PTPRJ: variants seen among roughly 807,000 people sequenced by gnomAD.
PTPRJ encodes receptor-type tyrosine-protein phosphatase eta.
PTPRJ carries 129 observed loss-of-function variants against 141.3 expected under a neutral mutation model. The ratio of observed to expected loss-of-function variants is 0.91; its 90% CI spans 0.79 to 1.06. The LOEUF is 1.06. PTPRJ is among the 50% of genes least tolerant of loss of function. PTPRJ has a pLI of 0.00. For missense variants in PTPRJ, 1,601 were observed against 1,679.7 expected, an observed-to-expected ratio of 0.95 and a Z score of 0.82; for synonymous variants, 610 against 640.5, an observed-to-expected ratio of 0.95 and a Z score of 0.72.
intron 1 of PTPRJ, among the ~76,000 whole-genome samples, chr11:48,072,139 A>T (rs571725431): frequency 6.6e-6 from 1 of 152,070 alleles, no homozygotes; most frequent in African/African-American, 2.4e-5. Flanking sequence ...TCCTGACCTC[A>T]GGTGATCCAC....
At chr11:48,023,721 G>T (rs1334271302) in intron 1 of PTPRJ, among the ~76,000 whole-genome samples, 1 of 151,824 alleles carries the variant, frequency 6.6e-6, no homozygotes, top group African/African-American at 2.4e-5. Flanking sequence ...GGCAAAGATT[G>T]CAGTGAGCCG....
In PTPRJ at chr11:47,994,141, G is replaced by C. The variant is rs552441432; in HGVS notation, c.96+13133G>C. Among the ~76,000 whole-genome samples, 341 of 150,798 alleles carry C rather than the reference G, an allele frequency of 2.3e-3. 2 individuals are homozygous for C. Among genetic ancestry groups the C allele is most frequent in the African/African-American group, 7.9e-3 (324 of 41,034 alleles). On this transcript the variant is annotated intron_variant, in intron 1 of 24. Transcript: ENST00000418331. ...CTCCCAAAGTGCTGGGATTACAGTT[G>C]TGAGCCACTGTGCCTGGCCTTTTTT...
In PTPRJ at chr11:48,144,997, C is replaced by T. The variant is rs1590555148; in HGVS notation, c.2787-3C>T. On this transcript the variant is annotated splice_region_variant and splice_polypyrimidine_tract_variant and intron_variant, in intron 13 of 24. Coordinates refer to ENST00000418331, the MANE Select transcript of PTPRJ (RefSeq NM_002843.4). Reference sequence around the variant, plus strand: ...CCTCTTTTTGCTCTTTGTTATCCCACAGGGCTTGTGTGGCTGGCTTCACCA... The same window carrying T: ...CCTCTTTTTGCTCTTTGTTATCCCATAGGGCTTGTGTGGCTGGCTTCACCA... 2 of 1,614,186 alleles carry T rather than the reference C, an allele frequency of 1.2e-6. No individual in the cohort carries two copies. Among genetic ancestry groups the T allele is most frequent in the East Asian group, 2.2e-5 (1 of 44,890 alleles).
chr11:48,169,764 A>G lies in PTPRJ; in HGVS notation c.*2402A>G, dbSNP rs572534488. On this transcript the variant is annotated 3_prime_UTR_variant, in exon 25 of 25. Coordinates refer to ENST00000418331, the MANE Select transcript of PTPRJ (RefSeq NM_002843.4). The stretch of plus-strand genomic sequence containing the variant: ...CTGTAAACATATTGTATAAAAATGA[A>G]AAACACAGGAACCCTCTTCCCTTCC... 1.3e-4 allele frequency: 20 copies of G among 152,318 alleles called. No individual in the cohort carries two copies. The highest frequency in any genetic ancestry group is 4.8e-4 in the African/African-American group (20 of 41,582). The allele number at this position is 152,318 out of a possible 1,614,324, so 9.4% of individuals were successfully genotyped here.
rs748999792 is a variant in PTPRJ at position 48,139,586 on chromosome 11, G to A, written c.2253G>A (p.Glu751=). 6.2e-7 allele frequency: 1 copy of A among 1,614,270 alleles called. No individual in the cohort carries two copies. The highest frequency in any genetic ancestry group is 1.1e-5 in the South Asian group (1 of 91,088). ...CTCCTGGCGCCAATGCAGGCTTTGAGCTGGAGGTCAGCAGTGGAGCCTGGA... is the reference window on the plus strand; with the variant it reads ...CTCCTGGCGCCAATGCAGGCTTTGAACTGGAGGTCAGCAGTGGAGCCTGGA... ...TCPPGANAGF[E]LEVSSGAWNN... The change falls in exon 11 of 25, where the codon GAG becomes GAA. Residue 751 remains glutamate, a synonymous_variant. Transcript: ENST00000418331.
In PTPRJ at chr11:48,149,991, C is replaced by A; in HGVS notation, c.3043C>A (p.Pro1015Thr). 1.4e-6 allele frequency: 2 copies of A among 1,471,348 alleles called. No individual in the cohort carries two copies. Among genetic ancestry groups the A allele is most frequent in the Non-Finnish European group, 1.9e-6 (2 of 1,057,142 alleles). 91.1% of individuals were successfully genotyped at this position (1,471,348 alleles called of 1,614,324 possible). Residue 1015 changes from proline to threonine, a missense_variant and splice_region_variant, in exon 17 of 25, where the codon CCT becomes ACT. Coordinates refer to ENST00000418331, the MANE Select transcript of PTPRJ (RefSeq NM_002843.4). ...TTTCTTTCCCTTTCTATCATGAAGA[C>A]CTAAAAAGTGAGTAATCTCTTTATT... is the stretch of plus-strand genomic sequence containing the variant. ...NNEVSFSQIK[P>T]KKSKLIRVEN...
chr11:48,087,995 G>T (rs921813583), intron 1 of PTPRJ, among the ~76,000 whole-genome samples: 2 of 152,276 alleles, frequency 1.3e-5, no homozygotes, highest in Non-Finnish European at 2.9e-5. Flanking sequence ...TGGTTTCTCA[G>T]CTCTCTCTTG....
chr11:48,026,083 C>T (rs1853801779), intron 1 of PTPRJ, among the ~76,000 whole-genome samples: 1 of 152,318 alleles, frequency 6.6e-6, no homozygotes, highest in Non-Finnish European at 1.5e-5. Flanking sequence ...CTATAGCACT[C>T]ACCCTGCATC....
chr11:48,124,867 C>A, intron 5 of PTPRJ, 101 bp from the exon 6 acceptor site: 2 of 1,080,832 alleles, frequency 1.9e-6, no homozygotes, highest in Non-Finnish European at 1.4e-6. Flanking sequence ...CAACTGTGGC[C>A]ACTGTCTGAT....
At chr11:48,045,041 C>G (rs542280520) in intron 1 of PTPRJ, among the ~76,000 whole-genome samples, 1 of 152,198 alleles carries the variant, frequency 6.6e-6, no homozygotes, top group African/African-American at 2.4e-5. Flanking sequence ...TTTTGAGTAG[C>G]ACCTTTGGGG....
intron 1 of PTPRJ, among the ~76,000 whole-genome samples, chr11:48,084,147 A>G (rs1056133492): frequency 2.0e-5 from 3 of 152,062 alleles, no homozygotes; most frequent in Non-Finnish European, 4.4e-5. Context: ...CAAAGAGAGA[A>G]TCTAGTTTTT....
rs374647793 is a variant in PTPRJ at position 48,109,117 on chromosome 11, G to A, written c.97-941G>A. Reference sequence around the variant, plus strand: ...TGTGGGAGGGAATAAATATGTAAAGGCTCTAGGGGAGAATCAGTTTCGAGA... The same window carrying A: ...TGTGGGAGGGAATAAATATGTAAAGACTCTAGGGGAGAATCAGTTTCGAGA... On this transcript the variant is annotated intron_variant, in intron 1 of 24. Transcript: ENST00000418331. Among the ~76,000 whole-genome samples the A allele has an allele frequency of 2.4e-4, 37 of 152,232 alleles. No homozygotes were observed. The East Asian group carries it at 2.9e-3, about 12-fold the overall frequency.
chr11:48,027,945 C>T (rs1853869305), intron 1 of PTPRJ, among the ~76,000 whole-genome samples: 1 of 150,894 alleles, frequency 6.6e-6, no homozygotes, highest in Non-Finnish European at 1.5e-5. Context: ...ATCCAGGGTC[C>T]AGATGCTTCC....
chr11:48,117,784 A>G (rs1317884667), intron 3 of PTPRJ, among the ~76,000 whole-genome samples: 4 of 149,958 alleles, frequency 2.7e-5, no homozygotes, highest in East Asian at 1.9e-4. Flanking sequence ...AGATCAATAA[A>G]CTAAGTTGTT....
intron 1 of PTPRJ, among the ~76,000 whole-genome samples, chr11:48,026,400 T>G (rs1248237972): frequency 6.6e-6 from 1 of 152,008 alleles, no homozygotes; most frequent in African/African-American, 2.4e-5. Context: ...CCTAAAACCC[T>G]ATCTCTGACT....
At chr11:48,148,975 C>G (rs1857414655) in intron 15 of PTPRJ, among the ~76,000 whole-genome samples, 2 of 152,176 alleles carry the variant, frequency 1.3e-5, no homozygotes, top group Admixed American at 6.5e-5. Flanking sequence ...AATTACCTTC[C>G]AGAAAGTTTT....
At chr11:48,136,008 T>G in intron 8 of PTPRJ, 31 bp from the exon 9 acceptor site, 1 of 1,600,770 alleles carries the variant, frequency 6.2e-7, no homozygotes, top group South Asian at 1.1e-5. Context: ...ATAGTAACAG[T>G]TTTCCCTTCT....
intron 1 of PTPRJ, among the ~76,000 whole-genome samples, chr11:48,060,149 C>G (rs1337891907): frequency 6.6e-6 from 1 of 152,084 alleles, no homozygotes; most frequent in East Asian, 1.9e-4. Context: ...TATTTTTTCC[C>G]CTCTAGGTCT....
At chr11:48,131,280 G>A (rs926498375) in intron 8 of PTPRJ, among the ~76,000 whole-genome samples, 18 of 151,572 alleles carry the variant, frequency 1.2e-4, no homozygotes, top group African/African-American at 1.9e-4. Flanking sequence ...ACAGGGTTTC[G>A]CCATATTGGC....
Sources: allele counts gnomAD v4.1 joint callset (sites outside exome capture counted in the v4.1 genomes callset), GRCh38; gene constraint gnomAD v4.1.1; transcripts MANE v1.5; gene names NCBI Gene and HGNC (gene_info 2026-07-23, HGNC 2026-07-21).